Variants in TM4SF4 observed in about 807,000 individuals in gnomAD.
The protein encoded by TM4SF4 is transmembrane 4 L six family member 4.
Under a neutral mutation model 24.1 loss-of-function variants are expected in TM4SF4, and 24 were observed. That is an observed-to-expected ratio of 1.00 (90% CI 0.72 to 1.40). TM4SF4 has a LOEUF of 1.40. TM4SF4 is among the 40% of genes most tolerant of loss of function. The probability of loss-of-function intolerance (pLI) is 0.00; values close to 1 mark genes in which losing one functional copy is unlikely to be tolerated. For synonymous variants in TM4SF4, 113 were observed against 97.0 expected (o/e 1.17, Z -0.97); for missense variants, 254 against 254.2 (o/e 1.00, Z 0.01).
Position 149,474,852 on chromosome 3 carries a change from G to T in TM4SF4, c.-26G>T. ...AGGAGGCAGTGAGGAGCTTTTGATT[G>T]CTGACCTGTGTCGTACCACCCCAGA... On this transcript the variant is annotated 5_prime_UTR_variant, in exon 1 of 5. Transcript: ENST00000305354. 2 of 1,587,936 alleles carry T rather than the reference G, an allele frequency of 1.3e-6. No individual in the cohort carries two copies. The highest frequency in any genetic ancestry group is 1.7e-6 in the Non-Finnish European group (2 of 1,168,780).
intron 3 of TM4SF4, among the ~76,000 whole-genome samples, chr3:149,491,895 TCA>T (rs1734217414): frequency 6.6e-6 from 1 of 152,074 alleles, no homozygotes; most frequent in South Asian, 2.1e-4. Context: ...TGGCAGAAGC[TCA>T]GTGTGAATGA....
chr3:149,499,943 T>C (rs1734387089), intron 4 of TM4SF4, among the ~76,000 whole-genome samples: 1 of 152,184 alleles, frequency 6.6e-6, no homozygotes, highest in Non-Finnish European at 1.5e-5. Context: ...AAACTAAATA[T>C]GTACATGTAT....
intron 3 of TM4SF4, among the ~76,000 whole-genome samples, chr3:149,491,102 G>A (rs902986291): frequency 1.1e-4 from 17 of 151,886 alleles, no homozygotes; most frequent in African/African-American, 2.9e-4. Context: ...TGAAGCTCAA[G>A]AAGGTTAATT....
intron 2 of TM4SF4, among the ~76,000 whole-genome samples, chr3:149,479,155 C>T (rs1733988444): frequency 6.6e-6 from 1 of 152,064 alleles, no homozygotes; most frequent in African/African-American, 2.4e-5. Context: ...TAATCTGGCA[C>T]CCCTAGCCTG....
At chr3:149,500,336 T>C (rs1477351635) in intron 4 of TM4SF4, among the ~76,000 whole-genome samples, 1 of 152,000 alleles carries the variant, frequency 6.6e-6, no homozygotes, top group Non-Finnish European at 1.5e-5. Flanking sequence ...TCCTTTAATC[T>C]AGCCTATAGT....
At chr3:149,480,076 C>T (rs748970345) in intron 2 of TM4SF4, among the ~76,000 whole-genome samples, 4 of 152,168 alleles carry the variant, frequency 2.6e-5, no homozygotes, top group Non-Finnish European at 5.9e-5. Context: ...GGCCTGCGCT[C>T]TTTCAAATAA....
intron 3 of TM4SF4, among the ~76,000 whole-genome samples, chr3:149,489,137 T>G (rs967196526): frequency 6.6e-6 from 1 of 152,196 alleles, no homozygotes; most frequent in Non-Finnish European, 1.5e-5. Flanking sequence ...TGAAAAGCCC[T>G]CTTATCATGC....
chr3:149,495,615 G>T lies in TM4SF4; in HGVS notation c.402-3107G>T. The T allele has an allele frequency of 8.9e-6, 3 of 337,830 alleles. No individual in the cohort carries two copies. The South Asian group carries it at 9.9e-5, about 11-fold the overall frequency. The allele number at this position is 337,830 out of a possible 1,614,324, so 20.9% of individuals were successfully genotyped here. On this transcript the variant is annotated intron_variant, in intron 3 of 4. Transcript: ENST00000305354. ...CAACATTGCTGGTAACAGCAAAAAT[G>T]ACCCACCAATGGGAGCAGCTGGCTT...
intron 2 of TM4SF4, among the ~76,000 whole-genome samples, chr3:149,487,206 G>C (rs1734131667): frequency 6.6e-6 from 1 of 152,126 alleles, no homozygotes; most frequent in South Asian, 2.1e-4. Context: ...AGTGAGCTGA[G>C]ATCACACCAT....
chr3:149,494,537 C>G (rs1312766234), intron 3 of TM4SF4: 1 of 151,292 alleles, frequency 6.6e-6, no homozygotes, highest in Non-Finnish European at 1.5e-5. Flanking sequence ...ATAGAAAGGA[C>G]TAAATGGAAA....
Position 149,487,653 on chromosome 3 carries a change from T to C in TM4SF4, c.299T>C (p.Phe100Ser). Reference protein sequence around the residue: ...FTSTIFAVVGFLGAGYSFIIS... With the variant: ...FTSTIFAVVGSLGAGYSFIIS... The stretch of plus-strand genomic sequence containing the variant: ...TCCACGATATTTGCTGTGGTTGGAT[T>C]CTTGGGAGCTGGATACTCGTTTATC... The change falls in exon 3 of 5, where the codon TTC becomes TCC. Residue 100 changes from phenylalanine to serine, a missense_variant. Coordinates refer to ENST00000305354, the MANE Select transcript of TM4SF4 (RefSeq NM_004617.4). 1.9e-6 allele frequency: 3 copies of C among 1,614,042 alleles called. No homozygotes were observed. Among genetic ancestry groups the C allele is most frequent in the Non-Finnish European group, 2.5e-6 (3 of 1,179,896 alleles).
At chr3:149,477,124 T>A (rs1733946890) in intron 2 of TM4SF4, among the ~76,000 whole-genome samples, 1 of 152,158 alleles carries the variant, frequency 6.6e-6, no homozygotes, top group African/African-American at 2.4e-5. Context: ...TTACCCTTTA[T>A]AATCTCCCTT....
At chr3:149,495,444 T>G in intron 3 of TM4SF4, 2 of 398,428 alleles carry the variant, frequency 5.0e-6, no homozygotes, top group Non-Finnish European at 1.0e-5. Context: ...TGGAAACTGG[T>G]GTTCTCAAAC....
chr3:149,491,957 C>G (rs925435771), intron 3 of TM4SF4, among the ~76,000 whole-genome samples: 2 of 152,146 alleles, frequency 1.3e-5, no homozygotes, highest in African/African-American at 4.8e-5. Context: ...GACTGAGAGG[C>G]AGCCAGACCT....
At chr3:149,485,463 A>G (rs1734099175) in intron 2 of TM4SF4, among the ~76,000 whole-genome samples, 1 of 152,238 alleles carries the variant, frequency 6.6e-6, no homozygotes, top group Non-Finnish European at 1.5e-5. Context: ...TAGTAATATG[A>G]AACCTTAGTC....
chr3:149,497,463 C>G (rs1028540925), intron 3 of TM4SF4, among the ~76,000 whole-genome samples: 1 of 152,164 alleles, frequency 6.6e-6, no homozygotes, highest in South Asian at 2.1e-4. Flanking sequence ...ATAACATCAA[C>G]ATTAATTCAG....
rs553685316 is a variant in TM4SF4 at position 149,494,187 on chromosome 3, A to G, written c.402-4535A>G. ...ACGTGAACACAGGCTTTTTTGCCAG[A>G]CTCTCAAAGACTGCCAGAACCAGAG... On this transcript the variant is annotated intron_variant, in intron 3 of 4. Transcript: ENST00000305354. Among the ~76,000 whole-genome samples, 3 of 152,162 alleles carry G rather than the reference A, an allele frequency of 2.0e-5. No individual in the cohort carries two copies. In the East Asian group the frequency reaches 5.8e-4, roughly 29 times the overall value.
chr3:149,492,886 T>C (rs751067568), intron 3 of TM4SF4, among the ~76,000 whole-genome samples: 1 of 152,226 alleles, frequency 6.6e-6, no homozygotes, highest in Non-Finnish European at 1.5e-5. Flanking sequence ...TTGCACCATG[T>C]AATCTTAGCT....
At position 149,498,759 on chromosome 3, in the gene TM4SF4, C is replaced by G; in HGVS notation, c.439C>G (p.Arg147Gly). ...LNDEALWNKC[R>G]EPLNVVPWNL... The stretch of plus-strand genomic sequence containing the variant: ...TGATGAGGCCTTATGGAACAAGTGC[C>G]GAGAGCCTCTCAATGTGGTTCCCTG... The change falls in exon 4 of 5, where the codon CGA (arginine) becomes GGA (glycine). Residue 147 changes from arginine to glycine, a missense_variant. Coordinates refer to ENST00000305354, the MANE Select transcript of TM4SF4 (RefSeq NM_004617.4). 2 of 1,613,946 alleles carry G rather than the reference C, an allele frequency of 1.2e-6. No homozygotes were observed. Among genetic ancestry groups the G allele is most frequent in the Non-Finnish European group, 1.7e-6 (2 of 1,179,872 alleles).
Sources: allele counts gnomAD v4.1 joint callset (sites outside exome capture counted in the v4.1 genomes callset), GRCh38; gene constraint gnomAD v4.1.1; transcripts MANE v1.5; gene names NCBI Gene and HGNC (gene_info 2026-07-23, HGNC 2026-07-21).